The following RGS5 variants were observed in gnomAD, a reference collection of about 807,000 sequenced individuals.
RGS5 encodes regulator of G protein signaling 5.
A neutral mutation model predicts 18.9 loss-of-function variants in RGS5; 20 were observed. That is an observed-to-expected ratio of 1.06 (90% CI 0.74 to 1.54). RGS5 has a LOEUF of 1.54. Ranked by LOEUF, RGS5 falls within the 40% of genes most tolerant of loss-of-function variation. RGS5 has a pLI of 0.00. For synonymous variants in RGS5, 57 were observed against 76.2 expected, an observed-to-expected ratio of 0.75 and a Z score of 1.31; for missense variants, 201 against 211.8, an observed-to-expected ratio of 0.95 and a Z score of 0.32.
At chr1:163,166,281 C>G (rs1658044201) in intron 2 of RGS5, among the ~76,000 whole-genome samples, 1 of 151,136 alleles carries the variant, frequency 6.6e-6, no homozygotes, top group African/African-American at 2.4e-5. Context: ...TCTCAATGGT[C>G]CATTTTTGTT....
intron 2 of RGS5, among the ~76,000 whole-genome samples, chr1:163,249,653 T>C (rs761422532): frequency 1.3e-5 from 2 of 152,104 alleles, no homozygotes; most frequent in South Asian, 2.1e-4. Context: ...TAGCCGGGCA[T>C]TGTGGCAGGC....
intron 1 of RGS5, among the ~76,000 whole-genome samples, chr1:163,202,257 A>G (rs188360996): frequency 6.6e-6 from 1 of 152,118 alleles, no homozygotes; most frequent in Non-Finnish European, 1.5e-5. Flanking sequence ...ATAAAAATTA[A>G]CATTTATACA....
At chr1:163,180,716 A>T in intron 1 of RGS5, among the ~76,000 whole-genome samples, 1 of 25,480 alleles carries the variant, frequency 3.9e-5, no homozygotes, top group Admixed American at 4.0e-4. Context: ...TTTTTTTGAG[A>T]CGGAGTCTCG....
chr1:163,272,902 A>T (rs1648756313), intron 2 of RGS5, among the ~76,000 whole-genome samples: 2 of 152,114 alleles, frequency 1.3e-5, no homozygotes, highest in Admixed American at 1.3e-4. Flanking sequence ...TTGACAGGTC[A>T]GGCACAGTGG....
chr1:163,172,304 A>G (rs1274384805), intron 1 of RGS5, among the ~76,000 whole-genome samples: 1 of 152,220 alleles, frequency 6.6e-6, no homozygotes, highest in African/African-American at 2.4e-5. Flanking sequence ...TCATATGAAC[A>G]CAATGTATCT....
chr1:163,178,997 T>G (rs1281155755), intron 1 of RGS5, among the ~76,000 whole-genome samples: 1 of 152,142 alleles, frequency 6.6e-6, no homozygotes, highest in African/African-American at 2.4e-5. Context: ...TTCCCCACAT[T>G]TGAGAGAGAC....
At chr1:163,274,064 T>C (rs1412405119) in intron 2 of RGS5, among the ~76,000 whole-genome samples, 1 of 152,170 alleles carries the variant, frequency 6.6e-6, no homozygotes, top group African/African-American at 2.4e-5. Flanking sequence ...GAAATAAAAA[T>C]ACATTTGGTC....
At chr1:163,218,950 T>C (rs1326467373), upstream of RGS5, among the ~76,000 whole-genome samples, 3 of 152,172 alleles carry the variant, frequency 2.0e-5, no homozygotes, top group Non-Finnish European at 4.4e-5. Flanking sequence ...TTGTCTATAA[T>C]TGCGTGAGGG....
intron 2 of RGS5, among the ~76,000 whole-genome samples, chr1:163,230,885 G>A (rs1647461883): frequency 6.6e-6 from 1 of 152,154 alleles, no homozygotes; most frequent in Non-Finnish European, 1.5e-5. Flanking sequence ...TTAATCAGAT[G>A]TCCTTTTAAA....
chr1:163,277,033 A>G (rs1332181475), intron 2 of RGS5, among the ~76,000 whole-genome samples: 1 of 152,126 alleles, frequency 6.6e-6, no homozygotes, highest in Admixed American at 6.5e-5. Flanking sequence ...GATAAGAAAC[A>G]TTTACAATCT....
rs1244943989 is a variant in RGS5 at position 163,184,640 on chromosome 1, T to TGGC, written c.45-16273_45-16272insGCC. 5.9e-5 allele frequency among the ~76,000 whole-genome samples: 9 copies of TGGC among 152,206 alleles called. No individual in the cohort carries two copies. The East Asian group carries it at 1.7e-3, about 29-fold the overall frequency. On this transcript the variant is annotated intron_variant, in intron 1 of 4. Coordinates refer to ENST00000313961, the MANE Select transcript of RGS5 (RefSeq NM_003617.4). Reference sequence around the variant, plus strand: ...ATTATCTAAGTTGGCCCAATATAATTACAAGAATCCTTGTAAGAAGAAGGC... The same window carrying TGGC: ...ATTATCTAAGTTGGCCCAATATAATTGGCACAAGAATCCTTGTAAGAAGAAGGC...
intron 2 of RGS5, among the ~76,000 whole-genome samples, chr1:163,228,526 C>T (rs574788186): frequency 3.9e-5 from 6 of 152,324 alleles, no homozygotes; most frequent in South Asian, 4.1e-4. Flanking sequence ...CCTAGGCCTC[C>T]GGGCCTGTGA....
At chr1:163,263,374 G>A (rs904479308) in intron 2 of RGS5, among the ~76,000 whole-genome samples, 1 of 152,096 alleles carries the variant, frequency 6.6e-6, no homozygotes, top group African/African-American at 2.4e-5. Context: ...CTCTGAAAAT[G>A]TTTTTTTGAG....
chr1:163,153,175 T>G (rs1196900803), intron 3 of RGS5, among the ~76,000 whole-genome samples: 1 of 152,216 alleles, frequency 6.6e-6, no homozygotes, highest in Non-Finnish European at 1.5e-5. Context: ...TACTCACAAT[T>G]CTTTATTTTC....
At chr1:163,218,471 T>A (rs1406545431), upstream of RGS5, among the ~76,000 whole-genome samples, 1 of 152,156 alleles carries the variant, frequency 6.6e-6, no homozygotes, top group Non-Finnish European at 1.5e-5. Context: ...ATCTTAAATA[T>A]TAATTTACAT....
At chr1:163,275,046 G>A (rs1407773058) in intron 2 of RGS5, among the ~76,000 whole-genome samples, 1 of 152,188 alleles carries the variant, frequency 6.6e-6, no homozygotes. Flanking sequence ...AGCCTGGGAG[G>A]TTGAGGCTGC....
intron 1 of RGS5, among the ~76,000 whole-genome samples, chr1:163,181,674 CCA>C (rs2102416531): frequency 6.6e-6 from 1 of 152,152 alleles, no homozygotes; most frequent in South Asian, 2.1e-4. Context: ...GTATGTACTC[CCA>C]GTTAGATAGC....
At chr1:163,217,931 G>T (rs1302126393), upstream of RGS5, among the ~76,000 whole-genome samples, 3 of 152,126 alleles carry the variant, frequency 2.0e-5, no homozygotes, top group Non-Finnish European at 4.4e-5. Flanking sequence ...GACGCAAGAG[G>T]TAGGACATGG....
At position 163,269,527 on chromosome 1, in the gene RGS5, G is replaced by T. The variant is rs140006227; in HGVS notation, c.-281+36706C>A. 6.0e-4 allele frequency among the ~76,000 whole-genome samples: 92 copies of T among 152,240 alleles called. 1 individual carries two copies. The highest frequency in any genetic ancestry group is 2.0e-3 in the African/African-American group (85 of 41,538). On this transcript the variant is annotated intron_variant, in intron 2 of 5. Coordinates refer to the RGS5 transcript ENST00000618415. ...GTTCATTTTTATGCACTCTAGGGTT[G>T]GTTATGGGGCCTGGAGACATGTTAT...
Sources: allele counts gnomAD v4.1 joint callset (sites outside exome capture counted in the v4.1 genomes callset), GRCh38; gene constraint gnomAD v4.1.1; transcripts MANE v1.5; gene names NCBI Gene and HGNC (gene_info 2026-07-23, HGNC 2026-07-21).